The following TNIP3 variants were observed in gnomAD, a reference collection of about 807,000 sequenced individuals.
TNIP3 encodes the protein TNFAIP3 interacting protein 3.
Under a neutral mutation model 54.1 loss-of-function variants are expected in TNIP3, and 34 were observed. That is an observed-to-expected ratio of 0.63 (90% confidence interval 0.48 to 0.84). The LOEUF (loss-of-function observed/expected upper bound fraction) is 0.84, where lower values mean the gene tolerates loss of function less well. Ranked by LOEUF, TNIP3 falls within the 40% of genes least tolerant of loss-of-function variation. The pLI is 0.00. For synonymous variants in TNIP3, 134 were observed against 136.8 expected, an observed-to-expected ratio of 0.98 and a Z score of 0.14; for missense variants, 366 against 387.6, an observed-to-expected ratio of 0.94 and a Z score of 0.47.
chr4:121,188,886 C>T (rs1725158440), intron 2 of TNIP3, among the ~76,000 whole-genome samples: 1 of 152,110 alleles, frequency 6.6e-6, no homozygotes, highest in African/African-American at 2.4e-5. Context: ...CATTAACACC[C>T]CTGGATATCA....
chr4:121,159,942 A>G (rs971760545), intron 2 of TNIP3, among the ~76,000 whole-genome samples: 19 of 152,242 alleles, frequency 1.2e-4, no homozygotes, highest in Admixed American at 5.9e-4. Context: ...CCAGAGTGGC[A>G]GTTACTAGGT....
chr4:121,206,156 T>C (rs754497091), intron 2 of TNIP3, among the ~76,000 whole-genome samples: 1 of 152,094 alleles, frequency 6.6e-6, no homozygotes, highest in African/African-American at 2.4e-5. Flanking sequence ...GGTAGAGACA[T>C]AGCCAAACAA....
chr4:121,142,673 G>T, intron 8 of TNIP3, 53 bp downstream of exon 8: 1 of 1,499,734 alleles, frequency 6.7e-7, no homozygotes, highest in South Asian at 1.2e-5. Flanking sequence ...TTGGGACAAT[G>T]AGAAATGCTG....
chr4:121,217,687 C>A (rs182491782), upstream of TNIP3, among the ~76,000 whole-genome samples: 22 of 152,280 alleles, frequency 1.4e-4, no homozygotes, highest in Non-Finnish European at 2.9e-4. Flanking sequence ...AAGAGGAAAC[C>A]AAGTGATAAC....
At chr4:121,200,368 C>CA (rs1392243940) in intron 2 of TNIP3, among the ~76,000 whole-genome samples, 2 of 152,162 alleles carry the variant, frequency 1.3e-5, no homozygotes, top group East Asian at 3.9e-4. Context: ...GTAGGGCCCT[C>CA]AGTAGACTTT....
At chr4:121,170,602 G>C (rs1040527918) in intron 3 of TNIP3, among the ~76,000 whole-genome samples, 2 of 151,802 alleles carry the variant, frequency 1.3e-5, no homozygotes, top group Admixed American at 6.6e-5. Flanking sequence ...ACTTGATTTT[G>C]ATTAATATTT....
chr4:121,218,005 A>G (rs1726872391), upstream of TNIP3, among the ~76,000 whole-genome samples: 1 of 152,214 alleles, frequency 6.6e-6, no homozygotes, highest in South Asian at 2.1e-4. Flanking sequence ...CTGATCTAGG[A>G]TTAAACACCA....
At chr4:121,140,259 A>G (rs1342705089) in intron 9 of TNIP3, among the ~76,000 whole-genome samples, 1 of 152,132 alleles carries the variant, frequency 6.6e-6, no homozygotes, top group Non-Finnish European at 1.5e-5. Context: ...GCCTGAACCC[A>G]GGAGGTACAG....
chr4:121,184,983 A>G (rs950521799), intron 2 of TNIP3, among the ~76,000 whole-genome samples: 1 of 152,172 alleles, frequency 6.6e-6, no homozygotes, highest in African/African-American at 2.4e-5. Context: ...ACTAGTCTAA[A>G]TGTTAAGCTC....
At chr4:121,149,121 A>G (rs1309236668) in intron 6 of TNIP3, among the ~76,000 whole-genome samples, 1 of 152,250 alleles carries the variant, frequency 6.6e-6, no homozygotes, top group Non-Finnish European at 1.5e-5. Context: ...GATTAAATTT[A>G]GACACAGGTA....
chr4:121,162,492 G>T (rs1021561828), intron 1 of TNIP3, among the ~76,000 whole-genome samples: 17 of 151,926 alleles, frequency 1.1e-4, no homozygotes, highest in African/African-American at 3.4e-4. Context: ...AGTATGTTGG[G>T]GCCCGTAATT....
chr4:121,198,350 A>G (rs558837997), intron 2 of TNIP3, among the ~76,000 whole-genome samples: 1 of 152,180 alleles, frequency 6.6e-6, no homozygotes, highest in Admixed American at 6.5e-5. Context: ...TATGGATTTG[A>G]TATATATAGC....
At chr4:121,200,035 C>T (rs779852470) in intron 2 of TNIP3, among the ~76,000 whole-genome samples, 17 of 152,194 alleles carry the variant, frequency 1.1e-4, no homozygotes, top group Non-Finnish European at 2.4e-4. Flanking sequence ...TCAAAAACCA[C>T]GGTCAGAGGC....
intron 2 of TNIP3, among the ~76,000 whole-genome samples, chr4:121,190,856 G>C (rs111910885): frequency 2.4e-3 from 368 of 152,300 alleles, no homozygotes; most frequent in Non-Finnish European, 3.9e-3. Context: ...GGTAAGGTAA[G>C]CCTGGAAGAC....
chr4:121,139,243 C>T (rs1452217008), intron 9 of TNIP3, among the ~76,000 whole-genome samples: 1 of 152,182 alleles, frequency 6.6e-6, no homozygotes, highest in Non-Finnish European at 1.5e-5. Flanking sequence ...CTCTAAATTG[C>T]TCATATAGTT....
chr4:121,180,117 C>T lies in TNIP3; in HGVS notation c.189+2559G>A, dbSNP rs115558818. 7.8e-3 allele frequency among the ~76,000 whole-genome samples: 1,188 copies of T among 151,890 alleles called. 9 individuals carry two copies. The highest frequency in any genetic ancestry group is 0.026 in the African/African-American group (1,094 of 41,444). Reference sequence around the variant, plus strand: ...GTCCAGGAATTAATATTATAGATGTCGGGCTGGGCGCGGTGGCTCACGCCT... The same window carrying T: ...GTCCAGGAATTAATATTATAGATGTTGGGCTGGGCGCGGTGGCTCACGCCT... On this transcript the variant is annotated intron_variant, in intron 3 of 12. Coordinates refer to the TNIP3 transcript ENST00000507879.
At chr4:121,163,780 T>A (rs957739768) in intron 1 of TNIP3, among the ~76,000 whole-genome samples, 3 of 152,194 alleles carry the variant, frequency 2.0e-5, no homozygotes, top group Admixed American at 2.0e-4. Flanking sequence ...AATATAGTAT[T>A]CTTTTAAGAT....
intron 3 of TNIP3, among the ~76,000 whole-genome samples, chr4:121,176,352 CA>C (rs1724334946): frequency 1.3e-5 from 2 of 152,054 alleles, no homozygotes; most frequent in Admixed American, 1.3e-4. Context: ...CAGATCCTCA[CA>C]CAACAATGCA....
At chr4:121,196,865 G>T (rs1383687506) in intron 2 of TNIP3, among the ~76,000 whole-genome samples, 1 of 151,632 alleles carries the variant, frequency 6.6e-6, no homozygotes, top group Non-Finnish European at 1.5e-5. Flanking sequence ...ATTGAGATTA[G>T]AGATACATAC....
Sources: allele counts gnomAD v4.1 joint callset (sites outside exome capture counted in the v4.1 genomes callset), GRCh38; gene constraint gnomAD v4.1.1; transcripts MANE v1.5; gene names NCBI Gene and HGNC (gene_info 2026-07-23, HGNC 2026-07-21).